Variants in TIA1 observed in about 807,000 individuals in gnomAD.
The protein encoded by TIA1 is cytotoxic granule associated RNA binding protein TIA1.
A neutral mutation model predicts 65.9 loss-of-function variants in TIA1; 23 were observed. The ratio of observed to expected loss-of-function variants is 0.35; its 90% CI spans 0.25 to 0.49. The LOEUF (loss-of-function observed/expected upper bound fraction) is 0.49. Ranked by LOEUF, TIA1 falls within the 20% of genes least tolerant of loss-of-function variation. The probability of loss-of-function intolerance (pLI) is 0.98; values close to 1 mark genes in which losing one functional copy is unlikely to be tolerated. For missense variants in TIA1, 371 were observed against 477.9 expected, an observed-to-expected ratio of 0.78 and a Z score of 2.09; for synonymous variants, 147 against 149.4, an observed-to-expected ratio of 0.98 and a Z score of 0.12.
At chr2:70,247,260 G>C (rs761630165) in intron 1 of TIA1, among the ~76,000 whole-genome samples, 2 of 152,124 alleles carry the variant, frequency 1.3e-5, no homozygotes, top group Admixed American at 6.6e-5. Flanking sequence ...AATCTATTAA[G>C]AAAACAAGTG....
chr2:70,215,801 G>A (rs894390209), intron 10 of TIA1: 5 of 319,060 alleles, frequency 1.6e-5, no homozygotes, highest in East Asian at 1.7e-4. Flanking sequence ...ATGCTGGAGT[G>A]CAGTGATTGT....
rs1468634852 is a variant in TIA1, at chr2:70,212,801, A to G, written c.1079T>C (p.Val360Ala). 1 of 1,614,068 alleles carries G rather than the reference A, an allele frequency of 6.2e-7. No individual in the cohort carries two copies. Among genetic ancestry groups the G allele is most frequent in the Non-Finnish European group, 8.5e-7 (1 of 1,179,990 alleles). ...GCCATTTTGCCCTTGAGGCGGTTGCACTCCATAATTTGGTCCCATCCATGG... is the reference window on the plus strand; with the variant it reads ...GCCATTTTGCCCTTGAGGCGGTTGCGCTCCATAATTTGGTCCCATCCATGG... ...SAPWMGPNYG[V>A]QPPQGQNGSM... is the part of the protein sequence containing the mutation. Residue 360 changes from valine (V) to alanine (A), a missense_variant, in exon 13 of 13, where the codon GTG becomes GCG. Transcript: ENST00000433529.
chr2:70,242,711 C>T (rs991008861), intron 1 of TIA1, among the ~76,000 whole-genome samples: 3 of 152,100 alleles, frequency 2.0e-5, no homozygotes, highest in Non-Finnish European at 2.9e-5. Context: ...CTGGGCCACA[C>T]AGCAGGAGGT....
chr2:70,239,007 C>T (rs1431529800), intron 1 of TIA1, among the ~76,000 whole-genome samples: 3 of 152,176 alleles, frequency 2.0e-5, no homozygotes, highest in African/African-American at 7.2e-5. Flanking sequence ...AGTTAAGAGG[C>T]TGCAGTGAGC....
intron 6 of TIA1, among the ~76,000 whole-genome samples, chr2:70,226,315 A>G (rs1043661533): frequency 3.3e-5 from 5 of 152,190 alleles, no homozygotes; most frequent in African/African-American, 1.2e-4. Flanking sequence ...CCAACTGTTA[A>G]ACAATCTTTG....
chr2:70,231,263 C>T (rs540457638), intron 2 of TIA1, among the ~76,000 whole-genome samples: 2 of 152,234 alleles, frequency 1.3e-5, no homozygotes, highest in East Asian at 3.9e-4. Context: ...GACTGCGCCA[C>T]TGCACTCCAG....
chr2:70,241,692 T>A (rs985677135), intron 1 of TIA1, among the ~76,000 whole-genome samples: 2 of 151,272 alleles, frequency 1.3e-5, no homozygotes, highest in South Asian at 2.1e-4. Context: ...GTAAACCCAG[T>A]GCTTTGGGAG....
In TIA1 at chr2:70,246,950, C is replaced by G. The variant is rs115868174; in HGVS notation, c.26+1455G>C. On this transcript the variant is annotated intron_variant, in intron 1 of 12. Coordinates refer to ENST00000433529, the MANE Select transcript of TIA1 (RefSeq NM_022173.4). The stretch of plus-strand genomic sequence containing the variant: ...AGTTAAAAAGTTAAGTGGTCAGATA[C>G]TTCTGCAGTTTCTAAAATTAAACAT... Among the ~76,000 whole-genome samples, 611 of 152,268 alleles carry G rather than the reference C, an allele frequency of 4.0e-3. 2 individuals carry two copies. Among genetic ancestry groups the G allele is most frequent in the African/African-American group, 0.013 (532 of 41,544 alleles).
In TIA1 at chr2:70,212,962, A is replaced by G. The variant is rs1354018745; in HGVS notation, c.1035-117T>C. ...GAAATGGGAAACATACTTTTTCTTA[A>G]TCCCAAATAGAATAATTTATGCTAG... On this transcript the variant is annotated intron_variant, in intron 12 of 12. Transcript: ENST00000433529. The G allele has an allele frequency of 5.7e-6, 4 of 696,268 alleles. No homozygotes were observed. The East Asian group carries it at 7.8e-5, about 14-fold the overall frequency. 43.1% of individuals were successfully genotyped at this position (696,268 alleles called of 1,614,324 possible). A position where few individuals can be genotyped will look rare whatever the true frequency, so the allele number is the denominator to read the frequency against.
At position 70,212,696 on chromosome 2, in the gene TIA1, G is replaced by A; in HGVS notation, c.*23C>T. 6.7e-7 allele frequency: 1 copy of A among 1,495,454 alleles called. No individual in the cohort carries two copies. Among genetic ancestry groups the A allele is most frequent in the Non-Finnish European group, 9.3e-7 (1 of 1,071,874 alleles). The allele number at this position is 1,495,454 out of a possible 1,614,324, so 92.6% of individuals were successfully genotyped here. On this transcript the variant is annotated 3_prime_UTR_variant, in exon 13 of 13. Transcript: ENST00000433529. ...CACTCCCTGTAGCCTCAAGCCACTG[G>A]CTTTAGATTCTGGAGTCCTTATTCA...
In TIA1 at chr2:70,214,436, G is replaced by C. The variant is rs116828570; in HGVS notation, c.947C>G (p.Ala316Gly). 1.1e-3 allele frequency: 1,805 copies of C among 1,613,906 alleles called. 12 individuals are homozygous for C. The African/African-American group carries it at 0.021, about 19-fold the overall frequency. Residue 316 changes from alanine to glycine, a missense_variant, in exon 12 of 13, where the codon GCA becomes GGA. Physicochemically the swap from Ala to Gly is moderately conservative, Grantham distance 60 (BLOSUM62 0). Transcript: ENST00000433529. ...YGQWGQWYGN[A>G]QQIGQYMPNG... ...AGGCATATACTGGCCAATTTGTTGT[G>C]CATTTCCATACCACTGGCCCCACTG...
chr2:70,221,980 A>G (rs1017066090), intron 7 of TIA1, among the ~76,000 whole-genome samples: 3 of 151,726 alleles, frequency 2.0e-5, no homozygotes, highest in Admixed American at 1.3e-4. Context: ...GGGTTTTGCC[A>G]TTTTGCCCAG....
At chr2:70,234,304 GGATAAGTAAGGAGATCTA>G (rs1687831710) in intron 2 of TIA1, among the ~76,000 whole-genome samples, 2 of 152,242 alleles carry the variant, frequency 1.3e-5, no homozygotes, top group Admixed American at 1.3e-4. Context: ...GCTACCATTG[GGATAAGTAAGGAGATCTA>G]GATTAAGGAA....
At position 70,212,627 on chromosome 2, in the gene TIA1, A is replaced by C. The variant is rs1676763296; in HGVS notation, c.*92T>G. 1 of 769,562 alleles carries C rather than the reference A, an allele frequency of 1.3e-6. No individual in the cohort carries two copies. Among genetic ancestry groups the C allele is most frequent in the South Asian group, 1.4e-5 (1 of 69,300 alleles). 47.7% of individuals were successfully genotyped at this position (769,562 alleles called of 1,614,324 possible). On this transcript the variant is annotated 3_prime_UTR_variant, in exon 13 of 13. Coordinates refer to ENST00000433529, the MANE Select transcript of TIA1 (RefSeq NM_022173.4). ...TAAATACATTGTATCTGACATTTGC[A>C]CTGACTGATTTGATAAATCTTTAAG...
chr2:70,235,341 G>C (rs1688338163), intron 2 of TIA1, among the ~76,000 whole-genome samples: 1 of 152,066 alleles, frequency 6.6e-6, no homozygotes. Flanking sequence ...CTTGAACCCG[G>C]GAGGCGGAGG....
chr2:70,238,076 G>A (rs1371499848), intron 1 of TIA1, among the ~76,000 whole-genome samples: 1 of 151,230 alleles, frequency 6.6e-6, no homozygotes, highest in Non-Finnish European at 1.5e-5. Flanking sequence ...CAGGAGAACG[G>A]CGTGAACCTG....
At chr2:70,236,882 C>G (rs982292687) in intron 1 of TIA1, among the ~76,000 whole-genome samples, 1 of 152,302 alleles carries the variant, frequency 6.6e-6, no homozygotes. Flanking sequence ...CCTGCCTTGG[C>G]CTCCCAAAGT....
intron 1 of TIA1, among the ~76,000 whole-genome samples, chr2:70,248,078 A>C (rs1351456279): frequency 6.6e-6 from 1 of 152,208 alleles, no homozygotes; most frequent in Non-Finnish European, 1.5e-5. Flanking sequence ...ATAGGACAAA[A>C]GGAAGGTTCG....
intron 2 of TIA1, among the ~76,000 whole-genome samples, chr2:70,235,177 A>G (rs1688237854): frequency 6.6e-6 from 1 of 152,150 alleles, no homozygotes; most frequent in African/African-American, 2.4e-5. Context: ...GTACTTTGGG[A>G]GGCCAAGACA....
Sources: gnomAD v4.1 joint callset for allele counts (sites outside exome capture counted in the v4.1 genomes callset) on GRCh38, gnomAD v4.1.1 for gene constraint, MANE v1.5 for transcripts, NCBI Gene and HGNC (gene_info 2026-07-23, HGNC 2026-07-21) for gene names.